MED27: variants seen among roughly 807,000 people sequenced by gnomAD.
MED27 encodes mediator of RNA polymerase II transcription subunit 27.
Under a neutral mutation model 38.2 loss-of-function variants are expected in MED27, and 30 were observed. The ratio of observed to expected loss-of-function variants is 0.79; its 90% CI spans 0.59 to 1.07. MED27 has a LOEUF of 1.07. Ranked by LOEUF, MED27 falls within the 50% of genes least tolerant of loss-of-function variation. The probability of loss-of-function intolerance (pLI) is 0.00; values close to 1 mark genes in which losing one functional copy is unlikely to be tolerated. For missense variants in MED27, 289 were observed against 397.5 expected, an observed-to-expected ratio of 0.73 and a Z score of 2.32; for synonymous variants, 122 against 153.5, an observed-to-expected ratio of 0.79 and a Z score of 1.52.
chr9:132,079,769 A>C lies in MED27; in HGVS notation c.76T>G (p.Ser26Ala). 1 of 1,614,132 alleles carries C rather than the reference A, an allele frequency of 6.2e-7. No individual in the cohort carries two copies. ...QAISAIQALR[S>A]SVSRVFDCLK... The stretch of plus-strand genomic sequence containing the variant: ...CAGTCGAACACCCTGCTCACGCTGG[A>C]GCGCAGCGCCTGGATGGCACTAATG... Residue 26 changes from serine to alanine, a missense_variant, in exon 1 of 8, where the codon TCC (serine) becomes GCC (alanine). Transcript: ENST00000292035.
At chr9:131,955,804 T>C (rs909607313) in intron 3 of MED27, among the ~76,000 whole-genome samples, 1 of 152,110 alleles carries the variant, frequency 6.6e-6, no homozygotes, top group African/African-American at 2.4e-5. Flanking sequence ...CTATCAACTA[T>C]CTAGGGAAGA....
chr9:131,970,300 G>T (rs910998094), intron 3 of MED27, among the ~76,000 whole-genome samples: 3 of 152,252 alleles, frequency 2.0e-5, no homozygotes, highest in African/African-American at 7.2e-5. Flanking sequence ...GAAGGAGGGT[G>T]GGCTGTCCAG....
intron 3 of MED27, among the ~76,000 whole-genome samples, chr9:131,955,404 A>G (rs1296333907): frequency 1.3e-5 from 2 of 152,176 alleles, no homozygotes; most frequent in East Asian, 1.9e-4. Flanking sequence ...AAGTACAAGG[A>G]GGCAATAATG....
At chr9:131,964,019 C>T (rs140699938) in intron 3 of MED27, among the ~76,000 whole-genome samples, 73 of 152,092 alleles carry the variant, frequency 4.8e-4, no homozygotes, top group Admixed American at 2.1e-3. Flanking sequence ...ATGTTGACTA[C>T]CCACCCAGAG....
At chr9:132,008,214 A>G (rs1832400748) in intron 3 of MED27, among the ~76,000 whole-genome samples, 1 of 152,222 alleles carries the variant, frequency 6.6e-6, no homozygotes, top group African/African-American at 2.4e-5. Context: ...GCTGCTATCT[A>G]AGATAGAACA....
chr9:132,018,974 G>A (rs1044624235), intron 2 of MED27, among the ~76,000 whole-genome samples: 2 of 152,126 alleles, frequency 1.3e-5, no homozygotes, highest in African/African-American at 2.4e-5. Context: ...ATAGAATTAA[G>A]TTATAATAAA....
rs1831521981 is a variant in MED27 at position 131,973,281 on chromosome 9, A to T, written c.480-33807T>A. On this transcript the variant is annotated intron_variant, in intron 3 of 7. Coordinates refer to ENST00000292035, the MANE Select transcript of MED27 (RefSeq NM_004269.4). ...CAGGGAAGGGCCTATCCCCAGCTGT[A>T]GGGATCCTGAGCAGGTTGACACTAT... Among the ~76,000 whole-genome samples the T allele has an allele frequency of 2.6e-5, 4 of 152,106 alleles. No individual in the cohort carries two copies. The South Asian group carries it at 8.3e-4, about 31-fold the overall frequency.
intron 3 of MED27, among the ~76,000 whole-genome samples, chr9:131,966,709 C>G (rs1831358553): frequency 6.6e-6 from 1 of 152,166 alleles, no homozygotes; most frequent in Admixed American, 6.5e-5. Context: ...ACTCCCGACG[C>G]TTCAGTGCCC....
At chr9:132,055,843 T>C (rs1162891395) in intron 2 of MED27, among the ~76,000 whole-genome samples, 2 of 152,266 alleles carry the variant, frequency 1.3e-5, no homozygotes, top group African/African-American at 2.4e-5. Context: ...TAGCCATTTA[T>C]TGAGTCCTTA....
intron 4 of MED27, among the ~76,000 whole-genome samples, chr9:131,910,732 C>CGCT (rs1830172896): frequency 6.6e-6 from 1 of 152,204 alleles, no homozygotes; most frequent in Admixed American, 6.5e-5. Flanking sequence ...TGTTCACCTC[C>CGCT]ACAGATTACA....
At chr9:132,050,497 G>A (rs568930589) in intron 2 of MED27, among the ~76,000 whole-genome samples, 4 of 152,312 alleles carry the variant, frequency 2.6e-5, no homozygotes, top group East Asian at 1.9e-4. Flanking sequence ...GAAGACAGTC[G>A]CTCTGTAAAA....
chr9:131,973,560 C>T (rs532765860), intron 3 of MED27, among the ~76,000 whole-genome samples: 2 of 148,432 alleles, frequency 1.3e-5, no homozygotes, highest in Non-Finnish European at 3.0e-5. Flanking sequence ...TGGGTTCAAG[C>T]GATTCTAGAG....
At chr9:131,960,515 T>C (rs887326962) in intron 3 of MED27, among the ~76,000 whole-genome samples, 1 of 152,194 alleles carries the variant, frequency 6.6e-6, no homozygotes, top group African/African-American at 2.4e-5. Flanking sequence ...ATCTCACCTT[T>C]GTCTTGACAG....
chr9:132,051,584 A>G lies in MED27; in HGVS notation c.348+25858T>C, dbSNP rs1833466786. ...GTCAAGCACTCATCTACATGGCCCAAGGTTCCTTCCAGCCTCCAGATCTGT... is the reference window on the plus strand; with the variant it reads ...GTCAAGCACTCATCTACATGGCCCAGGGTTCCTTCCAGCCTCCAGATCTGT... On this transcript the variant is annotated intron_variant, in intron 2 of 7. Coordinates refer to ENST00000292035, the MANE Select transcript of MED27 (RefSeq NM_004269.4). The surrounding 1 kb of genome is among the most constrained non-coding windows in gnomAD (Gnocchi z 4.2). Among the ~76,000 whole-genome samples the G allele has an allele frequency of 6.6e-6, 1 of 152,250 alleles. No individual in the cohort carries two copies. The highest frequency in any genetic ancestry group is 1.9e-4 in the East Asian group (1 of 5,208).
intron 3 of MED27, among the ~76,000 whole-genome samples, chr9:131,977,150 A>G (rs1268775250): frequency 5.3e-5 from 8 of 152,206 alleles, no homozygotes; most frequent in Non-Finnish European, 1.2e-4. Flanking sequence ...ACCGTATTCA[A>G]AAGTTGCTTC....
At chr9:131,906,327 G>C (rs1830060882) in intron 4 of MED27, among the ~76,000 whole-genome samples, 1 of 152,188 alleles carries the variant, frequency 6.6e-6, no homozygotes, top group South Asian at 2.1e-4. Flanking sequence ...CTAACAAGGG[G>C]GTTGGTTCAA....
At chr9:131,967,421 TTTCA>T (rs1426113189) in intron 3 of MED27, among the ~76,000 whole-genome samples, 4 of 152,186 alleles carry the variant, frequency 2.6e-5, no homozygotes, top group Non-Finnish European at 5.9e-5. Context: ...TTACTTCTGC[TTTCA>T]TTATCAGGTT....
In MED27 at chr9:132,003,607, T is replaced by G. The variant is rs1159675329; in HGVS notation, c.479+10730A>C. On this transcript the variant is annotated intron_variant, in intron 3 of 7. Coordinates refer to ENST00000292035, the MANE Select transcript of MED27 (RefSeq NM_004269.4). This position sits in a 1 kb window ranked among gnomAD's most constrained non-coding sequence, Gnocchi z 4.2. ...AACTCCTCTGCCTGCTCTTCTGGTC[T>G]CCCTCCACAATTGCTGGCACAACAT... Among the ~76,000 whole-genome samples the G allele has an allele frequency of 2.0e-5, 3 of 152,130 alleles. No individual in the cohort carries two copies. The highest frequency in any genetic ancestry group is 1.5e-5 in the Non-Finnish European group (1 of 68,014).
Position 131,864,251 on chromosome 9 carries a change from CA to C in MED27, c.724-1112del, listed in dbSNP as rs1188904194. ...ATCCCAGACCTTTGGGAGGCTGAGT[CA>C]GGGGGGATCACTTGGGCCCAGGAGT... is the stretch of plus-strand genomic sequence containing the variant. On this transcript the variant is annotated intron_variant, in intron 6 of 7. Coordinates refer to ENST00000292035, the MANE Select transcript of MED27 (RefSeq NM_004269.4). Among the ~76,000 whole-genome samples the C allele has an allele frequency of 2.4e-4, 36 of 152,182 alleles. 1 individual carries two copies. Among genetic ancestry groups the C allele is most frequent in the South Asian group, 2.3e-3 (11 of 4,804 alleles).
Sources: allele counts gnomAD v4.1 joint callset (sites outside exome capture counted in the v4.1 genomes callset), GRCh38; gene constraint gnomAD v4.1.1; non-coding constraint Gnocchi (gnomAD v3.1); transcripts MANE v1.5; gene names NCBI Gene and HGNC (gene_info 2026-07-23, HGNC 2026-07-21).